Variants in GTF3C1 observed in about 807,000 individuals in gnomAD.
The protein encoded by GTF3C1 is general transcription factor 3C polypeptide 1.
A neutral mutation model predicts 226.7 loss-of-function variants in GTF3C1; 57 were observed. The observed-to-expected ratio is 0.25, with a 90% CI of 0.20 to 0.31. The LOEUF (loss-of-function observed/expected upper bound fraction) is 0.31. Ranked by LOEUF, GTF3C1 falls within the 10% of genes least tolerant of loss-of-function variation. The pLI is 1.00. For missense variants in GTF3C1, 2,217 were observed against 2,776.1 expected (o/e 0.80, Z 4.53); for synonymous variants, 1,090 against 1,084.8 (o/e 1.00, Z -0.09).
At chr16:27,518,064 T>C (rs757045557) in intron 6 of GTF3C1, among the ~76,000 whole-genome samples, 2 of 152,124 alleles carry the variant, frequency 1.3e-5, no homozygotes, top group Non-Finnish European at 2.9e-5. Flanking sequence ...AAAAGCAAGT[T>C]GGGAACAAAC....
chr16:27,479,083 T>C (rs1034988721), intron 27 of GTF3C1, among the ~76,000 whole-genome samples: 8 of 152,198 alleles, frequency 5.3e-5, no homozygotes, highest in African/African-American at 1.9e-4. Flanking sequence ...ATTACATATT[T>C]TGAAATTACT....
In GTF3C1 at chr16:27,492,440, T is replaced by C; in HGVS notation, c.3049A>G (p.Ser1017Gly). 6.2e-7 allele frequency: 1 copy of C among 1,611,354 alleles called. No individual in the cohort carries two copies. The highest frequency in any genetic ancestry group is 8.5e-7 in the Non-Finnish European group (1 of 1,177,486). Residue 1017 changes from serine to glycine, a missense_variant, in exon 19 of 37, where the codon AGC becomes GGC. Coordinates refer to ENST00000356183, the MANE Select transcript of GTF3C1 (RefSeq NM_001520.4). The surrounding 1 kb of genome is among the most constrained non-coding windows in gnomAD (Gnocchi z 5.0). ...ICDPHYNLAR[S>G]SRPFERRLYV... Reference sequence around the variant, plus strand: ...AGGCGCCTCTCGAAGGGCCGGCTGCTGCGGGCCAGGTTGTAATGTGGGTCG... The same window carrying C: ...AGGCGCCTCTCGAAGGGCCGGCTGCCGCGGGCCAGGTTGTAATGTGGGTCG...
intron 12 of GTF3C1, 77 bp downstream of exon 12, chr16:27,501,114 G>T: frequency 8.4e-7 from 1 of 1,183,794 alleles, no homozygotes; most frequent in Non-Finnish European, 1.2e-6. Context: ...CCAGGATACA[G>T]CAATGACAAG....
intron 19 of GTF3C1, among the ~76,000 whole-genome samples, chr16:27,490,893 C>T (rs1429490334): frequency 6.6e-6 from 1 of 152,126 alleles, no homozygotes; most frequent in Non-Finnish European, 1.5e-5. Context: ...ATTACTGGGG[C>T]TCAATAAGCC....
intron 12 of GTF3C1, among the ~76,000 whole-genome samples, chr16:27,500,815 G>A (rs1161545978): frequency 6.6e-6 from 1 of 152,210 alleles, no homozygotes. Flanking sequence ...TGCTTCCTCT[G>A]GGATGTTGCC....
chr16:27,512,050 A>G, intron 6 of GTF3C1, 149 bp from the exon 7 acceptor site: 1 of 835,598 alleles, frequency 1.2e-6, no homozygotes, highest in Non-Finnish European at 1.8e-6. Flanking sequence ...ACTTTTAAAA[A>G]TGGCTCATCT....
Position 27,486,085 on chromosome 16 carries a change from C to A in GTF3C1, c.3770G>T (p.Arg1257Leu), listed in dbSNP as rs746281449. 6.2e-7 allele frequency: 1 copy of A among 1,606,882 alleles called. No homozygotes were observed. The highest frequency in any genetic ancestry group is 1.7e-5 in the Admixed American group (1 of 59,980). ...HDEADQSALQ[R>L]MTRLRVTWSM... ...CCAGGTGACACGAAGCCGCGTCATC[C>A]GCTGCAGGGCACTCTGGTCGGCTTC... The change falls in exon 24 of 37, where the codon CGG becomes CTG. Residue 1257 changes from arginine to leucine, a missense_variant. Physicochemically the swap from Arg to Leu is moderately radical, Grantham distance 102. Around this residue, in one of 12 missense-constraint regions of GTF3C1, gnomAD observed 546 missense variants for 663.0 expected, o/e 0.82. Transcript: ENST00000356183.
At chr16:27,503,048 GC>G in intron 10 of GTF3C1, 53 bp from the exon 11 acceptor site, 2 of 1,447,310 alleles carry the variant, frequency 1.4e-6, no homozygotes, top group Non-Finnish European at 1.9e-6. Flanking sequence ...AGGCTTGGGG[GC>G]CACGCACCAC....
chr16:27,527,007 C>T lies in GTF3C1; in HGVS notation c.973+1591G>A, dbSNP rs537869679. On this transcript the variant is annotated intron_variant, in intron 6 of 36. Transcript: ENST00000356183. ...ATCACTTGAGCCCAGGAGTTCAAGA[C>T]CAGCCTGGGCATGATAGCAAGACTT... Among the ~76,000 whole-genome samples, 25 of 152,302 alleles carry T rather than the reference C, an allele frequency of 1.6e-4. No individual in the cohort carries two copies. In the South Asian group the frequency reaches 4.8e-3, roughly 29 times the overall value.
intron 4 of GTF3C1, 148 bp downstream of exon 4, chr16:27,537,636 G>A: frequency 3.3e-6 from 2 of 603,078 alleles, no homozygotes; most frequent in Non-Finnish European, 3.0e-6. Context: ...TGGAACTCTT[G>A]GCCTCAAGCA....
intron 5 of GTF3C1, 96 bp downstream of exon 5, chr16:27,533,195 G>A (rs1009425058): frequency 1.1e-5 from 7 of 659,794 alleles, no homozygotes; most frequent in South Asian, 5.5e-5. Flanking sequence ...CCAGAATAGG[G>A]CTTTGGGTTG....
chr16:27,549,637 C>G lies in GTF3C1; in HGVS notation c.221+33G>C, dbSNP rs950241828. 6 of 876,338 alleles carry G rather than the reference C, an allele frequency of 6.8e-6. No individual in the cohort carries two copies. The East Asian group carries it at 1.3e-4, about 19-fold the overall frequency. The allele number at this position is 876,338 out of a possible 1,614,324, so 54.3% of individuals were successfully genotyped here. On this transcript the variant is annotated intron_variant, in intron 1 of 36. Transcript: ENST00000356183. ...ATCAGCCCCCGGGCCCTGCGCCCGCCCGCCCGCCCGCCAGGCCAGGCCGCC... is the reference window on the plus strand; with the variant it reads ...ATCAGCCCCCGGGCCCTGCGCCCGCGCGCCCGCCCGCCAGGCCAGGCCGCC...
intron 6 of GTF3C1, among the ~76,000 whole-genome samples, chr16:27,527,642 C>T (rs895303326): frequency 6.6e-6 from 1 of 152,120 alleles, no homozygotes; most frequent in Non-Finnish European, 1.5e-5. Context: ...ACAATGCCAC[C>T]AACCTTACAG....
At chr16:27,508,490 G>T in intron 8 of GTF3C1, 50 bp downstream of exon 8, 1 of 1,365,618 alleles carries the variant, frequency 7.3e-7, no homozygotes, top group Non-Finnish European at 1.0e-6. Flanking sequence ...CAAATACACT[G>T]CAAGCACCTC....
At chr16:27,501,168 G>C in intron 12 of GTF3C1, 23 bp downstream of exon 12, 3 of 1,598,856 alleles carry the variant, frequency 1.9e-6, no homozygotes, top group Non-Finnish European at 2.6e-6. Context: ...CTGGCTCTGG[G>C]CATCGGGGGA....
intron 23 of GTF3C1, 74 bp from the exon 24 acceptor site, chr16:27,486,228 G>A: frequency 1.2e-6 from 1 of 801,922 alleles, no homozygotes; most frequent in Non-Finnish European, 2.1e-6. Flanking sequence ...AGAGGGGCAG[G>A]TTCCCTACCC....
rs754224428 is a variant in GTF3C1, at chr16:27,511,828, G to T, written c.1047C>A (p.Asp349Glu). The T allele has an allele frequency of 6.2e-7, 1 of 1,614,062 alleles. No individual in the cohort carries two copies. Among genetic ancestry groups the T allele is most frequent in the Non-Finnish European group, 8.5e-7 (1 of 1,180,002 alleles). ...GCACTGTCTTGGAGATGACCTCCTC[G>T]TCCTCGTCATCATCATGGTCATTCC... ...FKRNDHDDDE[D>E]EEVISKTVPP... The change falls in exon 7 of 37, where the codon GAC becomes GAA. Residue 349 changes from aspartate to glutamate, a missense_variant. Around this residue, in one of 12 missense-constraint regions of GTF3C1, gnomAD observed 163 missense variants for 234.3 expected, o/e 0.70. Transcript: ENST00000356183.
Position 27,462,512 on chromosome 16 carries a change from G to A in GTF3C1, c.5925-26C>T. On this transcript the variant is annotated intron_variant, in intron 35 of 36. Coordinates refer to ENST00000356183, the MANE Select transcript of GTF3C1 (RefSeq NM_001520.4). This position sits in a 1 kb window ranked among gnomAD's most constrained non-coding sequence, Gnocchi z 4.5. ...CTGCAGGGAGAGGGCTTGACATCAG[G>A]GCTTGGTGGGGGCAGGAGGGCAGCT... 2.5e-6 allele frequency: 4 copies of A among 1,582,266 alleles called. No individual in the cohort carries two copies. In the South Asian group the frequency reaches 4.4e-5, roughly 18 times the overall value.
At chr16:27,468,982 G>A (rs569957172) in intron 32 of GTF3C1, among the ~76,000 whole-genome samples, 3 of 152,180 alleles carry the variant, frequency 2.0e-5, no homozygotes, top group South Asian at 2.1e-4. Context: ...GAGAGTGGGC[G>A]GGGTGGGGAA....
Sources: gnomAD v4.1 joint callset for allele counts (sites outside exome capture counted in the v4.1 genomes callset) on GRCh38, gnomAD v4.1.1 for gene constraint, gnomAD v4.1.1 regional missense constraint, Gnocchi (gnomAD v3.1) non-coding constraint, MANE v1.5 for transcripts, NCBI Gene and HGNC (gene_info 2026-07-23, HGNC 2026-07-21) for gene names.